The following ZCCHC2 variants were observed in gnomAD, a reference collection of about 807,000 sequenced individuals.
ZCCHC2 encodes the protein zinc finger CCHC-type containing 2.
In ZCCHC2, 39 loss-of-function variants were observed where a neutral mutation model predicts 103.6. The observed-to-expected ratio is 0.38, with a 90% CI of 0.29 to 0.49. The LOEUF (loss-of-function observed/expected upper bound fraction) is 0.49. ZCCHC2 is among the 20% of genes least tolerant of loss of function. ZCCHC2 has a pLI of 0.96. For missense variants in ZCCHC2, 1,483 were observed against 1,491.0 expected (o/e 0.99, Z 0.09); for synonymous variants, 687 against 608.9 (o/e 1.13, Z -1.89).
intron 2 of ZCCHC2, among the ~76,000 whole-genome samples, chr18:62,541,931 G>A (rs983169360): frequency 4.0e-5 from 6 of 151,828 alleles, no homozygotes; most frequent in South Asian, 2.1e-4. Context: ...CACAATGAAC[G>A]TTTATTATAA....
At position 62,574,113 on chromosome 18, in the gene ZCCHC2, T is replaced by C; in HGVS notation, c.2032T>C (p.Tyr678His). The C allele has an allele frequency of 6.2e-7, 1 of 1,614,046 alleles. No homozygotes were observed. The highest frequency in any genetic ancestry group is 1.1e-5 in the South Asian group (1 of 91,072). ...TCCATCAACAACTAGGTTTACAGGT[T>C]ACGGTTCTGTCAACCAGACTGTCAC... is the stretch of plus-strand genomic sequence containing the variant. ...GNPSTTRFTG[Y>H]GSVNQTVTVK... Residue 678 changes from tyrosine (Y) to histidine (H), a missense_variant, in exon 13 of 14, where the codon TAC becomes CAC. By Grantham distance (83) the Tyr-to-His change is moderately conservative. Transcript: ENST00000269499.
In ZCCHC2 at chr18:62,583,928, C is replaced by T. The variant is rs1381061350; in HGVS notation, c.*74-518C>T. Among the ~76,000 whole-genome samples the T allele has an allele frequency of 2.6e-5, 4 of 152,066 alleles. No homozygotes were observed. In the East Asian group the frequency reaches 7.7e-4, roughly 29 times the overall value. ...GGAGTGCCCTCGCCCCTTCAGATGA[C>T]CCTGTGCAGAGAGAGGACAGGCCAG... is the stretch of plus-strand genomic sequence containing the variant. On this transcript the variant is annotated intron_variant and NMD_transcript_variant, in intron 14 of 14. Transcript: ENST00000585873.
chr18:62,546,908 C>T lies in ZCCHC2; in HGVS notation c.1200+2035C>T, dbSNP rs1228666594. ...TGTTTTTCTCAAGTAGTATAAATGC[C>T]TCTCAGTTACATGAAATAATCTGCA... On this transcript the variant is annotated intron_variant, in intron 4 of 13. Transcript: ENST00000269499. Among the ~76,000 whole-genome samples the T allele has an allele frequency of 6.6e-5, 10 of 152,322 alleles. No individual in the cohort carries two copies. In the East Asian group the frequency reaches 1.9e-3, roughly 29 times the overall value.
Position 62,575,051 on chromosome 18 carries a change from T to C in ZCCHC2, c.2970T>C (p.Ser990=). ...TAQSDSTSYI[S]AVGNTNANGT... ...AGAGTGACAGCACCTCTTACATCAG[T>C]GCTGTGGGGAACACGAACGCTAATG... The change falls in exon 13 of 14, where the codon AGT becomes AGC. Residue 990 remains serine, a synonymous_variant. Transcript: ENST00000269499. 1.2e-6 allele frequency: 2 copies of C among 1,613,932 alleles called. No individual in the cohort carries two copies. Among genetic ancestry groups the C allele is most frequent in the Non-Finnish European group, 1.7e-6 (2 of 1,179,868 alleles).
intron 1 of ZCCHC2, among the ~76,000 whole-genome samples, chr18:62,531,874 C>T (rs1228315408): frequency 6.6e-6 from 1 of 151,544 alleles, no homozygotes; most frequent in Non-Finnish European, 1.5e-5. Context: ...GCTCCAGCTA[C>T]TCAGAAGGCT....
intron 12 of ZCCHC2, among the ~76,000 whole-genome samples, chr18:62,572,585 G>C (rs1286208697): frequency 4.6e-5 from 7 of 152,154 alleles, no homozygotes; most frequent in African/African-American, 1.7e-4. Flanking sequence ...GGGCGTGGGT[G>C]GCTTTGCTGT....
intron 11 of ZCCHC2, among the ~76,000 whole-genome samples, chr18:62,569,859 T>G (rs1393003033): frequency 6.6e-6 from 1 of 152,198 alleles, no homozygotes; most frequent in Non-Finnish European, 1.5e-5. Context: ...GCAACCAACC[T>G]TAACTCGTTT....
rs1916941739 is a variant in ZCCHC2, at chr18:62,578,345, C to T, written c.*1766C>T. ...TTCAAGTGAGAGTTTTGATAAGCCACTTATGGGCCGCGTTGTGAATCACTT... is the reference window on the plus strand; with the variant it reads ...TTCAAGTGAGAGTTTTGATAAGCCATTTATGGGCCGCGTTGTGAATCACTT... On this transcript the variant is annotated 3_prime_UTR_variant, in exon 14 of 14. Transcript: ENST00000269499. 1 of 152,598 alleles carries T rather than the reference C, an allele frequency of 6.6e-6. No homozygotes were observed. The highest frequency in any genetic ancestry group is 2.1e-4 in the South Asian group (1 of 4,832). 9.5% of individuals were successfully genotyped at this position (152,598 alleles called of 1,614,324 possible). A position where few individuals can be genotyped will look rare whatever the true frequency, so the allele number is the denominator to read the frequency against.
chr18:62,524,501 C>T, intron 1 of ZCCHC2, 138 bp downstream of exon 1: 1 of 1,317,116 alleles, frequency 7.6e-7, no homozygotes, highest in Non-Finnish European at 9.9e-7. Context: ...CAGCTCCCAG[C>T]GCCAGAGGGC....
intron 6 of ZCCHC2, 128 bp from the exon 7 acceptor site, chr18:62,558,559 A>G: frequency 1.9e-6 from 1 of 539,578 alleles, no homozygotes; most frequent in African/African-American, 2.0e-5. Flanking sequence ...TTGCCTTCTC[A>G]CTAGTAGCCA....
chr18:62,565,802 A>G (rs1916339077), intron 11 of ZCCHC2, among the ~76,000 whole-genome samples: 1 of 152,194 alleles, frequency 6.6e-6, no homozygotes, highest in African/African-American at 2.4e-5. Flanking sequence ...GTTAATTTAA[A>G]TGTTATTCTA....
At position 62,542,530 on chromosome 18, in the gene ZCCHC2, G is replaced by T. The variant is rs1446114493; in HGVS notation, c.1084G>T (p.Val362Phe). Residue 362 changes from valine to phenylalanine, a missense_variant, in exon 3 of 14, where the codon GTC (valine) becomes TTC (phenylalanine). Physicochemically the swap from Val to Phe is conservative, Grantham distance 50 (BLOSUM62 -1). Around this residue, in one of 3 missense-constraint regions of ZCCHC2, gnomAD observed 568 missense variants for 525.1 expected, o/e 1.08. Transcript: ENST00000269499. ...CATTGAGAAGATAATGTTGAAAGGA[G>T]TCCAGAGAAAAAGAGCTGACAAATA... ...VHIEKIMLKG[V>F]QRKRADKYWE... The T allele has an allele frequency of 6.4e-7, 1 of 1,565,454 alleles. No individual in the cohort carries two copies. The highest frequency in any genetic ancestry group is 1.2e-5 in the South Asian group (1 of 84,950).
In ZCCHC2 at chr18:62,523,818, T is replaced by C. The variant is rs1410242915; in HGVS notation, c.394T>C (p.Ser132Pro). The change falls in exon 1 of 14, where the codon TCG (serine) becomes CCG (proline). Residue 132 changes from serine to proline, a missense_variant. This residue lies in a region of ZCCHC2 where 568 missense variants were observed against 525.1 expected (regional missense o/e 1.08). Coordinates refer to ENST00000269499, the MANE Select transcript of ZCCHC2 (RefSeq NM_017742.6). ...CCCGCTGGAGCTGCGCTTCCTTGGC[T>C]CGTGCCTGGAGGACCTGGCGCGCAA... ...CNPLELRFLG[S>P]CLEDLARKDY... 6.5e-7 allele frequency: 1 copy of C among 1,544,174 alleles called. No homozygotes were observed. The highest frequency in any genetic ancestry group is 8.7e-7 in the Non-Finnish European group (1 of 1,146,280).
intron 8 of ZCCHC2, among the ~76,000 whole-genome samples, chr18:62,562,508 A>T (rs1241166200): frequency 2.0e-5 from 3 of 151,506 alleles, no homozygotes; most frequent in Admixed American, 6.6e-5. Flanking sequence ...TTCTTTTCCA[A>T]ATTTCTCTTC....
downstream of ZCCHC2, among the ~76,000 whole-genome samples, chr18:62,583,377 T>A (rs1160605991): frequency 1.3e-5 from 2 of 152,162 alleles, no homozygotes; most frequent in African/African-American, 4.8e-5. Context: ...AAGTAAAAGT[T>A]TATGGCAAGG....
chr18:62,541,345 A>G (rs1032250057), intron 2 of ZCCHC2, among the ~76,000 whole-genome samples: 6 of 152,198 alleles, frequency 3.9e-5, no homozygotes, highest in East Asian at 1.9e-4. Context: ...TTTGTTTATT[A>G]TAAGTGTCTT....
At chr18:62,535,156 G>C (rs553346066) in intron 1 of ZCCHC2, among the ~76,000 whole-genome samples, 2 of 152,312 alleles carry the variant, frequency 1.3e-5, no homozygotes, top group South Asian at 4.1e-4. Context: ...TCAGATGTGG[G>C]CTGGGGAGGA....
chr18:62,557,003 T>C (rs1296850370), intron 6 of ZCCHC2, among the ~76,000 whole-genome samples: 1 of 152,214 alleles, frequency 6.6e-6, no homozygotes, highest in Non-Finnish European at 1.5e-5. Context: ...AGCTGTTGCC[T>C]GCCCTGTGTC....
At chr18:62,569,077 G>A (rs1413932314) in intron 11 of ZCCHC2, among the ~76,000 whole-genome samples, 1 of 152,140 alleles carries the variant, frequency 6.6e-6, no homozygotes, top group Non-Finnish European at 1.5e-5. Context: ...TTGACAGTTT[G>A]ACATTTATTA....
Sources: gnomAD v4.1 joint callset for allele counts (sites outside exome capture counted in the v4.1 genomes callset) on GRCh38, gnomAD v4.1.1 for gene constraint, gnomAD v4.1.1 regional missense constraint, MANE v1.5 for transcripts, NCBI Gene and HGNC (gene_info 2026-07-23, HGNC 2026-07-21) for gene names.